SIGLEC1: variants seen among roughly 807,000 people sequenced by gnomAD.
SIGLEC1 encodes the protein sialic acid binding Ig like lectin 1.
SIGLEC1 carries 132 observed loss-of-function variants against 148.0 expected under a neutral mutation model. The observed-to-expected ratio is 0.89, with a 90% confidence interval of 0.77 to 1.03. SIGLEC1 has a LOEUF of 1.03. Ranked by LOEUF, SIGLEC1 falls within the 50% of genes least tolerant of loss-of-function variation. The pLI, the probability that SIGLEC1 is intolerant of heterozygous loss-of-function variation, is 0.00. For missense variants in SIGLEC1, 2,253 were observed against 2,271.4 expected (o/e 0.99, Z 0.16); for synonymous variants, 945 against 969.0 (o/e 0.98, Z 0.46).
Position 3,688,391 on chromosome 20 carries a change from C to T in SIGLEC1, c.*169G>A. On this transcript the variant is annotated 3_prime_UTR_variant, in exon 22 of 22. Transcript: ENST00000344754. Reference sequence around the variant, plus strand: ...CCTCCTGGGCAGACCTCTCACCACCCATTTTTGGGGGGGCAAGAGGCTTGG... The same window carrying T: ...CCTCCTGGGCAGACCTCTCACCACCTATTTTTGGGGGGGCAAGAGGCTTGG... The T allele has an allele frequency of 2.9e-6, 2 of 682,144 alleles. No homozygotes were observed. The highest frequency in any genetic ancestry group is 3.1e-5 in the South Asian group (2 of 64,476). The allele number at this position is 682,144 out of a possible 1,614,324, so 42.3% of individuals were successfully genotyped here.
At position 3,699,196 on chromosome 20, in the gene SIGLEC1, G is replaced by T. The variant is rs1427299029; in HGVS notation, c.1786+6C>A. 8 of 1,607,406 alleles carry T rather than the reference G, an allele frequency of 5.0e-6. No individual in the cohort carries two copies. Among genetic ancestry groups the T allele is most frequent in the Non-Finnish European group, 6.8e-6 (8 of 1,178,298 alleles). On this transcript the variant is annotated splice_donor_region_variant and intron_variant, in intron 8 of 21. Coordinates refer to ENST00000344754, the MANE Select transcript of SIGLEC1 (RefSeq NM_023068.4). The stretch of plus-strand genomic sequence containing the variant: ...CAGGAGGCTGCAACAGGTGGTGGCT[G>T]CTCACAGAGCACAGTGAGAACAGCT...
intron 11 of SIGLEC1, among the ~76,000 whole-genome samples, chr20:3,695,287 A>G (rs1487530960): frequency 6.6e-6 from 1 of 152,230 alleles, no homozygotes; most frequent in Non-Finnish European, 1.5e-5. Flanking sequence ...TTCAACCCAT[A>G]AAGTACTGAA....
At chr20:3,704,430 C>G (rs976449559) in intron 4 of SIGLEC1, among the ~76,000 whole-genome samples, 2 of 152,194 alleles carry the variant, frequency 1.3e-5, no homozygotes, top group Admixed American at 1.3e-4. Context: ...ATGGGTACCC[C>G]ACTGCTAGCT....
chr20:3,707,043 G>A (rs1421374623), intron 2 of SIGLEC1, 37 bp downstream of exon 2: 1 of 1,602,448 alleles, frequency 6.2e-7, no homozygotes, highest in Non-Finnish European at 8.6e-7. Flanking sequence ...ATGAAGGCTG[G>A]ACCCTGGAAG....
chr20:3,698,095 G>C lies in SIGLEC1; in HGVS notation c.1825C>G (p.Leu609Val), dbSNP rs758605261. 2.5e-6 allele frequency: 4 copies of C among 1,606,230 alleles called. No individual in the cohort carries two copies. The highest frequency in any genetic ancestry group is 3.4e-6 in the Non-Finnish European group (4 of 1,177,720). The change falls in exon 9 of 22, where the codon CTT (leucine) becomes GTT (valine). Residue 609 changes from leucine (L) to valine (V), a missense_variant. By Grantham distance (32) the Leu-to-Val change is conservative. Coordinates refer to ENST00000344754, the MANE Select transcript of SIGLEC1 (RefSeq NM_023068.4). ...RQPTFTTRLD[L>V]DAAGAGAGRR... is the part of the protein sequence containing the mutation. ...CCAGCCCCGGCCCCAGCGGCATCAAGGTCCAGCCTGGTGGTGAATGTTGGT... is the reference window on the plus strand; with the variant it reads ...CCAGCCCCGGCCCCAGCGGCATCAACGTCCAGCCTGGTGGTGAATGTTGGT...
chr20:3,703,000 C>T, intron 6 of SIGLEC1, 197 bp downstream of exon 6: 1 of 591,186 alleles, frequency 1.7e-6, no homozygotes, highest in African/African-American at 1.9e-5. Context: ...TAAGTTTAAA[C>T]TTCCAAATAT....
chr20:3,693,168 A>G (rs2474436), intron 14 of SIGLEC1, 37 bp from the exon 15 acceptor site: 1,056,719 of 1,503,906 alleles, frequency 0.7, 374,560 homozygotes, highest in African/African-American at 0.88. Flanking sequence ...AGTCACAGGC[A>G]GCAGCCTGCA....
rs535849830 is a variant in SIGLEC1, at chr20:3,692,208, G to A, written c.4031-6C>T. ...GACAGCGTCCTGAGGGGCATCTGTG[G>A]GCAGGCAGGGCACAGATGGGGACCT... On this transcript the variant is annotated splice_region_variant and splice_polypyrimidine_tract_variant and intron_variant, in intron 16 of 21. Coordinates refer to ENST00000344754, the MANE Select transcript of SIGLEC1 (RefSeq NM_023068.4). 1 of 1,534,012 alleles carries A rather than the reference G, an allele frequency of 6.5e-7. No individual in the cohort carries two copies. Among genetic ancestry groups the A allele is most frequent in the Non-Finnish European group, 8.8e-7 (1 of 1,141,318 alleles).
In SIGLEC1 at chr20:3,710,863, C is replaced by A. The variant is rs568816639; in HGVS notation, c.-110+1607G>T. On this transcript the variant is annotated intron_variant, in intron 1 of 21. Transcript: ENST00000344754. The surrounding 1 kb of genome is among the most constrained non-coding windows in gnomAD (Gnocchi z 4.6). ...CCGGCCCTAACCCCAAAGGGGTCAG[C>A]CCCACCGGAATCCAGCCTATTGGCT... 1.3e-5 allele frequency among the ~76,000 whole-genome samples: 2 copies of A among 152,366 alleles called. No homozygotes were observed. The highest frequency in any genetic ancestry group is 4.1e-4 in the South Asian group (2 of 4,832).
rs939334274 is a variant in SIGLEC1, at chr20:3,688,671, G to A, written c.5071-52C>T. The stretch of plus-strand genomic sequence containing the variant: ...AGGAGGCCTCTGGGAGCCAGGGCAG[G>A]CCCCCAGGCCCCCAGCCTCAGGTGG... On this transcript the variant is annotated intron_variant, in intron 21 of 21. Transcript: ENST00000344754. The A allele has an allele frequency of 5.8e-6, 8 of 1,387,192 alleles. No homozygotes were observed. In the African/African-American group the frequency reaches 8.7e-5, roughly 15 times the overall value. 85.9% of individuals were successfully genotyped at this position (1,387,192 alleles called of 1,614,324 possible). A position where few individuals can be genotyped will look rare whatever the true frequency, so the allele number is the denominator to read the frequency against.
intron 21 of SIGLEC1, 35 bp from the exon 22 acceptor site, chr20:3,688,654 T>C (rs1400451033): frequency 1.3e-6 from 2 of 1,543,748 alleles, no homozygotes; most frequent in Admixed American, 4.0e-5. Context: ...ACAGGAGGCC[T>C]CTGGGAGCCA....
rs771999962 is a variant in SIGLEC1, at chr20:3,692,779, CA to C, written c.3779-8del. ...GCCAGGATCACCCGCACACCTGTGC[CA>C]AGGAGGCCAGGATCAGCCGGGCCCA... On this transcript the variant is annotated splice_polypyrimidine_tract_variant and splice_region_variant and intron_variant, in intron 15 of 21. Coordinates refer to ENST00000344754, the MANE Select transcript of SIGLEC1 (RefSeq NM_023068.4). The C allele has an allele frequency of 3.1e-6, 5 of 1,606,432 alleles. No individual in the cohort carries two copies. The highest frequency in any genetic ancestry group is 1.3e-5 in the African/African-American group (1 of 74,852).
At position 3,693,646 on chromosome 20, in the gene SIGLEC1, C is replaced by T. The variant is rs1298060570; in HGVS notation, c.3309G>A (p.Val1103=). The change falls in exon 14 of 22, where the codon GTG becomes GTA. Residue 1103 remains valine, a synonymous_variant. Coordinates refer to ENST00000344754, the MANE Select transcript of SIGLEC1 (RefSeq NM_023068.4). ...TGGTCCACACAAGGCAGGTCAGGTT[C>T]ACCAGCTGCCCCTCCCGCACGGTAG... The part of the protein sequence containing the change: ...PGATVREGQL[V]NLTCLVWTTH... The T allele has an allele frequency of 1.2e-6, 2 of 1,609,530 alleles. No individual in the cohort carries two copies. Among genetic ancestry groups the T allele is most frequent in the South Asian group, 1.1e-5 (1 of 90,344 alleles).
rs771492180 is a variant in SIGLEC1, at chr20:3,698,063, T to A, written c.1857A>T (p.Arg619=). ...TGTCCACACGGCACAAAAGGAGGCC[T>A]CGCCGTCCAGCCCCGGCCCCAGCGG... is the stretch of plus-strand genomic sequence containing the variant. ...LDAAGAGAGR[R]GLLLCRVDSD... The change falls in exon 9 of 22, where the codon CGA becomes CGT. Residue 619 remains arginine (R), a synonymous_variant. Coordinates refer to ENST00000344754, the MANE Select transcript of SIGLEC1 (RefSeq NM_023068.4). 6.2e-7 allele frequency: 1 copy of A among 1,607,134 alleles called. No homozygotes were observed. Among genetic ancestry groups the A allele is most frequent in the Non-Finnish European group, 8.5e-7 (1 of 1,177,878 alleles).
chr20:3,690,116 A>G lies in SIGLEC1; in HGVS notation c.4740T>C (p.Gly1580=). 1.2e-6 allele frequency: 2 copies of G among 1,609,942 alleles called. No individual in the cohort carries two copies. The highest frequency in any genetic ancestry group is 1.7e-6 in the Non-Finnish European group (2 of 1,178,626). ...SRLVASSQPQ[G]APAEPHIHVL... ...CATGGATGTGTGGCTCTGCAGGAGC[A>G]CCCTGGGGCTGACTGGAGGCCACCA... is the stretch of plus-strand genomic sequence containing the variant. The change falls in exon 19 of 22, where the codon GGT becomes GGC. Residue 1580 remains glycine, a synonymous_variant. Coordinates refer to ENST00000344754, the MANE Select transcript of SIGLEC1 (RefSeq NM_023068.4).
Position 3,703,400 on chromosome 20 carries a change from A to G in SIGLEC1, c.1025T>C (p.Val342Ala), listed in dbSNP as rs1371624688. The G allele has an allele frequency of 3.1e-6, 5 of 1,603,684 alleles. No individual in the cohort carries two copies. In the Admixed American group the frequency reaches 5.0e-5, roughly 16 times the overall value. The change falls in exon 6 of 22, where the codon GTG becomes GCG. Residue 342 changes from valine (V) to alanine (A), a missense_variant. Physicochemically the swap from Val to Ala is moderately conservative, Grantham distance 64. Coordinates refer to ENST00000344754, the MANE Select transcript of SIGLEC1 (RefSeq NM_023068.4). ...PAGPILENQT[V>A]TLVCNTPNEA... ...ATTGGGTGTGTTGCAGACTAGTGTC[A>G]CTGTCTGGTTCTCCAGGATGGGACC...
In SIGLEC1 at chr20:3,697,345, G is replaced by A. The variant is rs1466219799; in HGVS notation, c.2123-3C>T. The A allele has an allele frequency of 6.2e-7, 1 of 1,613,192 alleles. No homozygotes were observed. The highest frequency in any genetic ancestry group is 1.1e-5 in the South Asian group (1 of 91,082). ...TGGTGCAATGGCCAGGACAGTGGCT[G>A]GAGAGCAGGCGGCACAGCTTACTGA... On this transcript the variant is annotated splice_polypyrimidine_tract_variant and splice_region_variant and intron_variant, in intron 9 of 21. Transcript: ENST00000344754.
At chr20:3,700,753 T>C (rs554466828) in intron 7 of SIGLEC1, among the ~76,000 whole-genome samples, 1 of 149,656 alleles carries the variant, frequency 6.7e-6, no homozygotes, top group African/African-American at 2.5e-5. Flanking sequence ...CAGGCTGGAG[T>C]GCAGTGGCGC....
rs886432019 is a variant in SIGLEC1, at chr20:3,689,243, T to A, written c.4998-16A>T. 6.8e-6 allele frequency: 11 copies of A among 1,609,192 alleles called. No individual in the cohort carries two copies. The highest frequency in any genetic ancestry group is 9.4e-6 in the Non-Finnish European group (11 of 1,175,720). Reference sequence around the variant, plus strand: ...ACGCCTCCTTCTGCAAGGCCCGGAGTGGACTCAGAGAGCCTCTCCCCTCCC... The same window carrying A: ...ACGCCTCCTTCTGCAAGGCCCGGAGAGGACTCAGAGAGCCTCTCCCCTCCC... On this transcript the variant is annotated splice_polypyrimidine_tract_variant and intron_variant, in intron 20 of 21. Transcript: ENST00000344754.
Sources: allele counts gnomAD v4.1 joint callset (sites outside exome capture counted in the v4.1 genomes callset), GRCh38; gene constraint gnomAD v4.1.1; non-coding constraint Gnocchi (gnomAD v3.1); transcripts MANE v1.5; gene names NCBI Gene and HGNC (gene_info 2026-07-23, HGNC 2026-07-21).